The following LRRC28 variants were observed in gnomAD, a reference collection of about 807,000 sequenced individuals.
The protein encoded by LRRC28 is leucine rich repeat containing 28, also known as leucine-rich repeat-containing protein 28.
In LRRC28, 39 loss-of-function variants were observed where a neutral mutation model predicts 45.7. The observed-to-expected ratio is 0.85, with a 90% CI of 0.66 to 1.12. The LOEUF is 1.12. LRRC28 is among the 50% of genes most tolerant of loss of function. The probability of loss-of-function intolerance (pLI) is 0.00; values close to 1 mark genes in which losing one functional copy is unlikely to be tolerated. For missense variants in LRRC28, 435 were observed against 438.5 expected (o/e 0.99, Z 0.07); for synonymous variants, 206 against 178.8 (o/e 1.15, Z -1.22).
intron 2 of LRRC28, chr15:99,258,540 G>A: frequency 1.3e-6 from 1 of 743,710 alleles, no homozygotes; most frequent in Non-Finnish European, 2.5e-6. Flanking sequence ...AGAATCTTAT[G>A]ATGAAGCTGC....
At chr15:99,285,986 C>T (rs2081948311) in intron 3 of LRRC28, among the ~76,000 whole-genome samples, 1 of 152,100 alleles carries the variant, frequency 6.6e-6, no homozygotes, top group Non-Finnish European at 1.5e-5. Context: ...TGATTTAATT[C>T]AACATAAAAT....
chr15:99,256,031 G>T lies in LRRC28; in HGVS notation c.74G>T (p.Arg25Met). 1 of 1,613,774 alleles carries T rather than the reference G, an allele frequency of 6.2e-7. No homozygotes were observed. Among genetic ancestry groups the T allele is most frequent in the East Asian group, 2.2e-5 (1 of 44,860 alleles). Residue 25 changes from arginine to methionine, a missense_variant, in exon 2 of 10, where the codon AGG (arginine) becomes ATG (methionine). Physicochemically the swap from Arg to Met is moderately conservative, Grantham distance 91 (BLOSUM62 -1). Transcript: ENST00000301981. ...EKHKNLFLNY[R>M]NLHHFPLELL... The stretch of plus-strand genomic sequence containing the variant: ...CACAAGAATTTGTTCTTAAATTATA[G>T]GAATCTGCACCATTTTCCATTGGAG...
intron 3 of LRRC28, among the ~76,000 whole-genome samples, chr15:99,283,464 A>AC (rs1287663327): frequency 6.6e-6 from 1 of 151,356 alleles, no homozygotes; most frequent in African/African-American, 2.4e-5. Context: ...ATACAAAAAA[A>AC]AATTAGCCGG....
intron 9 of LRRC28, among the ~76,000 whole-genome samples, chr15:99,369,728 A>C (rs1432518752): frequency 6.6e-6 from 1 of 152,182 alleles, no homozygotes; most frequent in Non-Finnish European, 1.5e-5. Context: ...TGACCAAACA[A>C]ATGGGCTCCA....
intron 7 of LRRC28, chr15:99,354,009 C>G (rs1956968773): frequency 6.6e-6 from 1 of 152,170 alleles, no homozygotes; most frequent in Admixed American, 6.5e-5. Flanking sequence ...AGGTAATAGT[C>G]TACTTTTTTA....
At chr15:99,330,645 A>G (rs1163004933) in intron 5 of LRRC28, among the ~76,000 whole-genome samples, 1 of 152,076 alleles carries the variant, frequency 6.6e-6, no homozygotes, top group African/African-American at 2.4e-5. Context: ...TATGGATAGC[A>G]TATTGTTTTT....
At chr15:99,365,934 A>G (rs1229787698) in intron 9 of LRRC28, among the ~76,000 whole-genome samples, 1 of 152,246 alleles carries the variant, frequency 6.6e-6, no homozygotes, top group Non-Finnish European at 1.5e-5. Flanking sequence ...TTCACTTTCA[A>G]AACTTATTGT....
At chr15:99,357,321 C>T (rs1482725315) in intron 7 of LRRC28, among the ~76,000 whole-genome samples, 1 of 152,116 alleles carries the variant, frequency 6.6e-6, no homozygotes, top group Non-Finnish European at 1.5e-5. Flanking sequence ...CTCATATGTA[C>T]CAAATACACA....
At chr15:99,300,770 G>A (rs978406526) in intron 5 of LRRC28, among the ~76,000 whole-genome samples, 49 of 152,224 alleles carry the variant, frequency 3.2e-4, no homozygotes, top group Admixed American at 3.2e-3. Flanking sequence ...AGGCTGCAGT[G>A]AGCCAAGATT....
At chr15:99,345,696 C>T (rs1956657729) in intron 6 of LRRC28, among the ~76,000 whole-genome samples, 1 of 152,134 alleles carries the variant, frequency 6.6e-6, no homozygotes. Context: ...ATAGATATGT[C>T]CATGCATGTT....
intron 1 of LRRC28, among the ~76,000 whole-genome samples, chr15:99,252,804 G>A (rs1020337586): frequency 3.9e-5 from 6 of 152,118 alleles, no homozygotes; most frequent in Admixed American, 3.9e-4. Context: ...AGAATATGCC[G>A]GTTTGTTACA....
At chr15:99,337,330 G>A (rs1239093980) in intron 6 of LRRC28, among the ~76,000 whole-genome samples, 2 of 152,240 alleles carry the variant, frequency 1.3e-5, no homozygotes, top group African/African-American at 2.4e-5. Flanking sequence ...CTGAATGCTT[G>A]CAGCAACAGA....
intron 6 of LRRC28, among the ~76,000 whole-genome samples, chr15:99,344,589 G>T (rs759815697): frequency 6.6e-6 from 1 of 152,198 alleles, no homozygotes; most frequent in Non-Finnish European, 1.5e-5. Flanking sequence ...GCCAGGAGGT[G>T]CAAACTGAAT....
chr15:99,371,092 C>G (rs1293189872), intron 9 of LRRC28, among the ~76,000 whole-genome samples: 8 of 19,146 alleles, frequency 4.2e-4, no homozygotes, highest in African/African-American at 7.4e-4. Context: ...GGTGACAGAG[C>G]AAGACTCTCT....
intron 5 of LRRC28, among the ~76,000 whole-genome samples, chr15:99,320,165 A>G (rs1025813926): frequency 1.1e-4 from 16 of 152,282 alleles, no homozygotes; most frequent in Non-Finnish European, 2.1e-4. Context: ...TAAATATAGT[A>G]TTCTGTTAAG....
chr15:99,285,711 A>G, intron 3 of LRRC28: 1 of 566,992 alleles, frequency 1.8e-6, no homozygotes, highest in South Asian at 1.8e-5. Flanking sequence ...TTCTAATCAT[A>G]ATAGTGGGTA....
intron 9 of LRRC28, among the ~76,000 whole-genome samples, chr15:99,372,988 C>G (rs1224394184): frequency 6.6e-6 from 1 of 151,826 alleles, no homozygotes; most frequent in African/African-American, 2.4e-5. Context: ...AGAACTCACT[C>G]ACTATCACGC....
intron 1 of LRRC28, among the ~76,000 whole-genome samples, chr15:99,254,718 G>C (rs1346089703): frequency 6.6e-6 from 1 of 152,168 alleles, no homozygotes; most frequent in Non-Finnish European, 1.5e-5. Context: ...CTGAAGCCTT[G>C]AGTTTGTTTC....
chr15:99,280,817 C>T (rs942351813), intron 3 of LRRC28, among the ~76,000 whole-genome samples: 3 of 151,952 alleles, frequency 2.0e-5, no homozygotes, highest in African/African-American at 7.3e-5. Flanking sequence ...TGTTCCTGGC[C>T]CCTGCTTGTG....
Sources: gnomAD v4.1 joint callset for allele counts (sites outside exome capture counted in the v4.1 genomes callset) on GRCh38, gnomAD v4.1.1 for gene constraint, MANE v1.5 for transcripts, NCBI Gene and HGNC (gene_info 2026-07-23, HGNC 2026-07-21) for gene names.